Variants in ZFHX3 observed in about 807,000 individuals in gnomAD.
ZFHX3 encodes the protein zinc finger homeobox 3.
ZFHX3 carries 42 observed loss-of-function variants against 279.1 expected under a neutral mutation model. The observed-to-expected ratio is 0.15, with a 90% CI of 0.12 to 0.19. The LOEUF (loss-of-function observed/expected upper bound fraction) is 0.19. ZFHX3 is among the 10% of genes least tolerant of loss of function. The pLI, the probability that ZFHX3 is intolerant of heterozygous loss-of-function variation, is 1.00. For missense variants in ZFHX3, 4,981 were observed against 4,754.0 expected (o/e 1.05, Z -1.40); for synonymous variants, 2,293 against 1,957.8 (o/e 1.17, Z -4.52).
intron 1 of ZFHX3, among the ~76,000 whole-genome samples, chr16:73,728,251 C>G (rs1046594172): frequency 6.6e-6 from 1 of 152,046 alleles, no homozygotes; most frequent in Non-Finnish European, 1.5e-5. Flanking sequence ...ACCACATGAG[C>G]CAGAGAGAGG....
intron 1 of ZFHX3, among the ~76,000 whole-genome samples, chr16:72,984,556 G>A (rs1005749697): frequency 3.3e-5 from 5 of 151,272 alleles, no homozygotes; most frequent in Non-Finnish European, 7.4e-5. Context: ...AGCTCAAGAG[G>A]TTGAGGCTGC....
intron 5 of ZFHX3, among the ~76,000 whole-genome samples, chr16:73,240,895 C>A (rs753272142): frequency 5.9e-5 from 9 of 152,212 alleles, no homozygotes; most frequent in Non-Finnish European, 1.0e-4. Flanking sequence ...GCATTTCTGA[C>A]TTTGAAGTCC....
chr16:73,303,963 G>GA (rs201865011), intron 4 of ZFHX3, among the ~76,000 whole-genome samples: 1,403 of 76,008 alleles, frequency 0.018, 35 homozygotes, highest in East Asian at 0.039. Context: ...ACCCTAGGTG[G>GA]AAAAAAAAAA....
chr16:73,891,274 T>C (rs1162287590), intron 1 of ZFHX3, among the ~76,000 whole-genome samples: 1 of 151,924 alleles, frequency 6.6e-6, no homozygotes. Flanking sequence ...GTGCTGGTGA[T>C]CACAAGAAAC....
chr16:73,808,370 G>A (rs1960341023), intron 1 of ZFHX3: 1 of 152,208 alleles, frequency 6.6e-6, no homozygotes, highest in Non-Finnish European at 1.5e-5. Context: ...TGCTATCCAT[G>A]TTGAATAGTT....
chr16:72,959,184 T>G lies in ZFHX3; in HGVS notation c.962A>C (p.Asn321Thr). Residue 321 changes from asparagine (N) to threonine (T), a missense_variant, in exon 2 of 10, where the codon AAC becomes ACC. Coordinates refer to ENST00000268489, the MANE Select transcript of ZFHX3 (RefSeq NM_006885.4). ...GATCCCTTGGATGATAGCGGAGATG[T>G]TCTTATTGCTAAGAATTTTCCGCTC... ...EDERKILSNK[N>T]ISAIIQGIGK... 6.2e-7 allele frequency: 1 copy of G among 1,614,234 alleles called. No homozygotes were observed. The highest frequency in any genetic ancestry group is 8.5e-7 in the Non-Finnish European group (1 of 1,180,036).
chr16:73,673,762 G>A (rs2052926788), intron 2 of ZFHX3, among the ~76,000 whole-genome samples: 1 of 152,160 alleles, frequency 6.6e-6, no homozygotes, highest in Non-Finnish European at 1.5e-5. Flanking sequence ...CAGCAGGGCA[G>A]GCTGGAACCT....
At chr16:73,638,569 G>A (rs992874215) in intron 2 of ZFHX3, among the ~76,000 whole-genome samples, 7 of 152,268 alleles carry the variant, frequency 4.6e-5, no homozygotes, top group Admixed American at 1.3e-4. Flanking sequence ...TTGAAAGAAT[G>A]CTAGTATTTT....
chr16:73,822,090 T>C (rs1418942068), intron 1 of ZFHX3, among the ~76,000 whole-genome samples: 2 of 152,178 alleles, frequency 1.3e-5, no homozygotes, highest in Non-Finnish European at 1.5e-5. Context: ...ACATCTCCCC[T>C]GGCATCATCA....
chr16:73,778,752 T>C (rs1959348884), intron 1 of ZFHX3, among the ~76,000 whole-genome samples: 1 of 152,188 alleles, frequency 6.6e-6, no homozygotes, highest in African/African-American at 2.4e-5. Flanking sequence ...GAAAATACAA[T>C]GGTAAGACGG....
At chr16:72,837,429 C>A (rs2037219821) in intron 4 of ZFHX3, among the ~76,000 whole-genome samples, 1 of 150,894 alleles carries the variant, frequency 6.6e-6, no homozygotes, top group African/African-American at 2.4e-5. Flanking sequence ...CAGAAAGAAA[C>A]TGGGGTCATG....
intron 3 of ZFHX3, among the ~76,000 whole-genome samples, chr16:72,907,765 C>A (rs948867870): frequency 1.1e-4 from 17 of 151,532 alleles, no homozygotes; most frequent in African/African-American, 4.1e-4. Flanking sequence ...CTCACTGCTA[C>A]CTCTGAGTCC....
intron 2 of ZFHX3, among the ~76,000 whole-genome samples, chr16:73,461,307 C>A (rs2018466623): frequency 6.6e-6 from 1 of 152,042 alleles, no homozygotes; most frequent in African/African-American, 2.4e-5. Flanking sequence ...AATACTAGTC[C>A]TTTGTTGGAT....
At chr16:73,436,491 T>C (rs755919797) in intron 3 of ZFHX3, among the ~76,000 whole-genome samples, 5 of 152,126 alleles carry the variant, frequency 3.3e-5, no homozygotes, top group Non-Finnish European at 7.4e-5. Context: ...ACATATTCAT[T>C]ACCAGGAGAA....
At chr16:73,461,759 G>A (rs1348967255) in intron 2 of ZFHX3, among the ~76,000 whole-genome samples, 2 of 152,198 alleles carry the variant, frequency 1.3e-5, no homozygotes, top group Non-Finnish European at 2.9e-5. Context: ...ATACCACACA[G>A]CATTGATTCC....
chr16:73,849,506 T>C (rs765547460), intron 1 of ZFHX3, among the ~76,000 whole-genome samples: 3 of 152,204 alleles, frequency 2.0e-5, no homozygotes, highest in Non-Finnish European at 4.4e-5. Context: ...TAACAGGGCC[T>C]GGTTTAAAAT....
At chr16:73,118,526 A>C (rs34954088) in intron 7 of ZFHX3, among the ~76,000 whole-genome samples, 67,505 of 151,746 alleles carry the variant, frequency 0.44, 16,640 homozygotes, top group Middle Eastern at 0.6. Flanking sequence ...TGTTCTTAGG[A>C]TATGACATGT....
intron 2 of ZFHX3, among the ~76,000 whole-genome samples, chr16:73,526,484 T>G (rs2019698099): frequency 6.6e-6 from 1 of 152,188 alleles, no homozygotes; most frequent in South Asian, 2.1e-4. Flanking sequence ...TTTAGCTTAG[T>G]TTTAAAACCT....
intron 1 of ZFHX3, among the ~76,000 whole-genome samples, chr16:73,046,787 C>T (rs1159833491): frequency 6.6e-6 from 1 of 151,924 alleles, no homozygotes; most frequent in Non-Finnish European, 1.5e-5. Flanking sequence ...AAGCAGGACC[C>T]AGTATGAAGG....
Sources: gnomAD v4.1 joint callset for allele counts (sites outside exome capture counted in the v4.1 genomes callset) on GRCh38, gnomAD v4.1.1 for gene constraint, MANE v1.5 for transcripts, NCBI Gene and HGNC (gene_info 2026-07-23, HGNC 2026-07-21) for gene names.